TRRAP: variants seen among roughly 807,000 people sequenced by gnomAD.
The protein encoded by TRRAP is transformation/transcription domain-associated protein.
In TRRAP, 41 loss-of-function variants were observed where a neutral mutation model predicts 438.8. The ratio of observed to expected loss-of-function variants is 0.09; its 90% CI spans 0.07 to 0.12. TRRAP has a LOEUF of 0.12. Ranked by LOEUF, TRRAP falls within the 10% of genes least tolerant of loss-of-function variation. The pLI is 1.00. For missense variants in TRRAP, 3,122 were observed against 5,055.1 expected (o/e 0.62, Z 11.60); for synonymous variants, 1,994 against 1,962.9 (o/e 1.02, Z -0.42).
chr7:98,889,559 A>ATTT (rs1562926723), intron 3 of TRRAP, among the ~76,000 whole-genome samples: 5 of 148,246 alleles, frequency 3.4e-5, no homozygotes, highest in African/African-American at 4.9e-5. Context: ...TTTTTTTAAA[A>ATTT]AAAATAGAGA....
At position 98,897,933 on chromosome 7, in the gene TRRAP, AT is replaced by A. The variant is rs150196540; in HGVS notation, c.633+76del. On this transcript the variant is annotated intron_variant, in intron 8 of 72. Transcript: ENST00000456197. ...GTTTCGGATACTGGCCTGTTAAACC[AT>A]TTTTTTTTCTCTTAAATACTTGGAG... The A allele has an allele frequency of 3.2e-4, 501 of 1,574,524 alleles. No individual in the cohort carries two copies. The African/African-American group carries it at 4.2e-3, about 13-fold the overall frequency.
Position 98,927,332 on chromosome 7 carries a change from C to T in TRRAP, c.3141C>T (p.Arg1047=). 1 of 1,614,214 alleles carries T rather than the reference C, an allele frequency of 6.2e-7. No individual in the cohort carries two copies. Among genetic ancestry groups the T allele is most frequent in the East Asian group, 2.2e-5 (1 of 44,864 alleles). Residue 1047 remains arginine, a synonymous_variant, in exon 23 of 73, where the codon CGC becomes CGT. Transcript: ENST00000456197. ...SALPFVASLI[R]HYTMVAVAQQ... is the part of the protein sequence containing the mutation. ...TGCCCTTTGTCGCCAGCTTGATCCG[C>T]CACTATACGATGGTGGCAGTCGCCC...
At chr7:98,920,997 G>C (rs998456496) in intron 20 of TRRAP, among the ~76,000 whole-genome samples, 1 of 152,084 alleles carries the variant, frequency 6.6e-6, no homozygotes, top group African/African-American at 2.4e-5. Context: ...GTGCCACCAC[G>C]CCCAGCTAAT....
chr7:98,998,002 G>C (rs1401760178), intron 67 of TRRAP, among the ~76,000 whole-genome samples: 1 of 152,220 alleles, frequency 6.6e-6, no homozygotes, highest in Non-Finnish European at 1.5e-5. Flanking sequence ...GTCGGTTACA[G>C]ACTAAACGGC....
intron 69 of TRRAP, among the ~76,000 whole-genome samples, chr7:99,007,895 G>A (rs1190662049): frequency 3.3e-5 from 5 of 150,018 alleles, no homozygotes; most frequent in South Asian, 2.1e-4. Context: ...GCGTGATCTC[G>A]GCTCAAGGCA....
At chr7:98,927,394 G>A (rs1554411780) in intron 23 of TRRAP, 28 bp downstream of exon 23, 3 of 1,609,846 alleles carry the variant, frequency 1.9e-6, no homozygotes, top group South Asian at 1.1e-5. Flanking sequence ...GTGGGGCACG[G>A]GATTGGTTCT....
chr7:98,943,533 C>T (rs914835502), intron 31 of TRRAP, among the ~76,000 whole-genome samples: 2 of 152,140 alleles, frequency 1.3e-5, no homozygotes, highest in Non-Finnish European at 2.9e-5. Flanking sequence ...TCAAGGTCTG[C>T]GTCATCCACC....
chr7:98,941,082 T>G (rs1790775380), intron 30 of TRRAP, among the ~76,000 whole-genome samples: 1 of 152,226 alleles, frequency 6.6e-6, no homozygotes, highest in Non-Finnish European at 1.5e-5. Flanking sequence ...TGGCATTAGA[T>G]AATGGTCCAA....
At chr7:98,893,088 A>G (rs1796046321) in intron 5 of TRRAP, among the ~76,000 whole-genome samples, 1 of 151,908 alleles carries the variant, frequency 6.6e-6, no homozygotes, top group Non-Finnish European at 1.5e-5. Context: ...AGTAGCTGGG[A>G]TTACAGGCCC....
At chr7:98,981,708 A>T in intron 58 of TRRAP, 61 bp from the exon 59 acceptor site, 1 of 1,498,148 alleles carries the variant, frequency 6.7e-7, no homozygotes, top group Non-Finnish European at 8.9e-7. Context: ...TTCCTGTTTG[A>T]CACTTTACAC....
intron 35 of TRRAP, 40 bp from the exon 36 acceptor site, chr7:98,949,377 G>T: frequency 6.9e-7 from 1 of 1,457,550 alleles, no homozygotes; most frequent in Non-Finnish European, 9.1e-7. Context: ...CTGTGAGTTT[G>T]ATTAGCTTAA....
At chr7:98,996,334 C>G (rs1793661458) in intron 67 of TRRAP, among the ~76,000 whole-genome samples, 1 of 152,230 alleles carries the variant, frequency 6.6e-6, no homozygotes, top group African/African-American at 2.4e-5. Context: ...ATCCCACTTA[C>G]CTGCGGGCTC....
intron 51 of TRRAP, among the ~76,000 whole-genome samples, chr7:98,969,698 C>G (rs1050559641): frequency 6.9e-6 from 1 of 145,248 alleles, no homozygotes; most frequent in Non-Finnish European, 1.5e-5. Context: ...GCTCGCAACT[C>G]ACACGGGGAA....
chr7:98,937,226 G>T lies in TRRAP; in HGVS notation c.4182G>T (p.Leu1394=). Residue 1394 remains leucine (L), a synonymous_variant, in exon 29 of 73, where the codon CTG becomes CTT. Coordinates refer to ENST00000456197, the MANE Select transcript of TRRAP (RefSeq NM_001375524.1). ...EKIIAALFKA[L]NSTNSELQEA... Reference sequence around the variant, plus strand: ...TCATCGCTGCACTCTTCAAAGCCCTGAATTCCACCAATAGTGAGCTCCAAG... The same window carrying T: ...TCATCGCTGCACTCTTCAAAGCCCTTAATTCCACCAATAGTGAGCTCCAAG... 6.2e-7 allele frequency: 1 copy of T among 1,613,712 alleles called. No homozygotes were observed. Among genetic ancestry groups the T allele is most frequent in the South Asian group, 1.1e-5 (1 of 91,046 alleles).
At chr7:98,962,727 A>G (rs529547982) in intron 47 of TRRAP, among the ~76,000 whole-genome samples, 4 of 152,296 alleles carry the variant, frequency 2.6e-5, no homozygotes, top group Admixed American at 2.0e-4. Flanking sequence ...AGGCACCGCA[A>G]GAGCTACATG....
chr7:98,963,603 C>T (rs957310563), intron 47 of TRRAP, among the ~76,000 whole-genome samples: 2 of 152,134 alleles, frequency 1.3e-5, no homozygotes, highest in Non-Finnish European at 1.5e-5. Context: ...GCATAGCACT[C>T]GGGAACCACA....
At chr7:98,996,986 A>G (rs1793691288) in intron 67 of TRRAP, among the ~76,000 whole-genome samples, 1 of 151,926 alleles carries the variant, frequency 6.6e-6, no homozygotes, top group Non-Finnish European at 1.5e-5. Context: ...AGGATTCCTC[A>G]ATTTTCAATG....
chr7:98,985,127 C>A, intron 62 of TRRAP, 83 bp downstream of exon 62: 1 of 1,023,266 alleles, frequency 9.8e-7, no homozygotes, highest in Non-Finnish European at 1.5e-6. Flanking sequence ...CAATGTGAAG[C>A]TCAAGCTAGA....
At position 98,892,420 on chromosome 7, in the gene TRRAP, C is replaced by A. The variant is rs1554405068; in HGVS notation, c.262-4C>A. The stretch of plus-strand genomic sequence containing the variant: ...CCTTACATTTATTTATTTTTTCTTG[C>A]CAGCAACTGCGGAAGCTCGTACTTG... On this transcript the variant is annotated splice_region_variant and splice_polypyrimidine_tract_variant and intron_variant, in intron 4 of 72. Coordinates refer to ENST00000456197, the MANE Select transcript of TRRAP (RefSeq NM_001375524.1). The A allele has an allele frequency of 6.2e-7, 1 of 1,607,136 alleles. No homozygotes were observed. Among genetic ancestry groups the A allele is most frequent in the Admixed American group, 1.7e-5 (1 of 58,744 alleles).
Sources: gnomAD v4.1 joint callset for allele counts (sites outside exome capture counted in the v4.1 genomes callset) on GRCh38, gnomAD v4.1.1 for gene constraint, MANE v1.5 for transcripts, NCBI Gene and HGNC (gene_info 2026-07-23, HGNC 2026-07-21) for gene names.